The following CILP variants were observed in gnomAD, a reference collection of about 807,000 sequenced individuals.
CILP encodes cartilage intermediate layer protein 1.
Under a neutral mutation model 82.5 loss-of-function variants are expected in CILP, and 75 were observed. The observed-to-expected ratio is 0.91, with a 90% CI of 0.75 to 1.10. CILP has a LOEUF of 1.10. Ranked by LOEUF, CILP falls within the 50% of genes least tolerant of loss-of-function variation. CILP has a pLI of 0.00. For missense variants in CILP, 1,479 were observed against 1,530.8 expected, an observed-to-expected ratio of 0.97 and a Z score of 0.56; for synonymous variants, 530 against 580.3, an observed-to-expected ratio of 0.91 and a Z score of 1.25.
Position 65,206,891 on chromosome 15 carries a change from A to T in CILP, c.315T>A (p.Thr105=), listed in dbSNP as rs976336317. The change falls in exon 4 of 9, where the codon ACT becomes ACA. Residue 105 remains threonine, a synonymous_variant. Transcript: ENST00000261883. The part of the protein sequence containing the change: ...RTTDWTPAGS[T]GQVVHGSPRE... ...GGGGACTACCATGGACCACCTGGCC[A>T]GTGCTGCCCGCAGGTGTCCAGTCAG... The T allele has an allele frequency of 6.2e-7, 1 of 1,613,878 alleles. No homozygotes were observed. The highest frequency in any genetic ancestry group is 1.3e-5 in the African/African-American group (1 of 74,920).
In CILP at chr15:65,198,699, A is replaced by G; in HGVS notation, c.1587T>C (p.His529=). The G allele has an allele frequency of 1.2e-6, 2 of 1,614,244 alleles. No individual in the cohort carries two copies. Among genetic ancestry groups the G allele is most frequent in the Non-Finnish European group, 1.7e-6 (2 of 1,180,044 alleles). ...CCAGCCTCTCAGTGTCCTGGGGGAC[A>G]TGGAGGGTGAAAGTGCCCTTGTAGC... ...MTGYKGTFTL[H]VPQDTERLVL... Residue 529 remains histidine (H), a synonymous_variant, in exon 9 of 9, where the codon CAT becomes CAC. Transcript: ENST00000261883.
At position 65,197,244 on chromosome 15, in the gene CILP, G is replaced by T. The variant is rs1411267178; in HGVS notation, c.3042C>A (p.Leu1014=). 6.2e-7 allele frequency: 1 copy of T among 1,614,024 alleles called. No homozygotes were observed. The highest frequency in any genetic ancestry group is 2.2e-5 in the East Asian group (1 of 44,890). The part of the protein sequence containing the change: ...ACLEFKCSGM[L]YDQDRVDRTL... ...TGCGGTCCACACGGTCCTGATCATAGAGCATCCCACTGCACTTGAACTCCA... is the reference window on the plus strand; with the variant it reads ...TGCGGTCCACACGGTCCTGATCATATAGCATCCCACTGCACTTGAACTCCA... The change falls in exon 9 of 9, where the codon CTC becomes CTA. Residue 1014 remains leucine, a synonymous_variant. Coordinates refer to ENST00000261883, the MANE Select transcript of CILP (RefSeq NM_003613.4).
chr15:65,200,444 C>T (rs1468232982), intron 8 of CILP, among the ~76,000 whole-genome samples: 1 of 46,238 alleles, frequency 2.2e-5, no homozygotes, highest in Non-Finnish European at 4.1e-5. Flanking sequence ...TACATTCTGT[C>T]CTTCTCTGCG....
rs138803953 is a variant in CILP at position 65,198,723 on chromosome 15, G to C, written c.1563C>G (p.Gly521=). The change falls in exon 9 of 9, where the codon GGC becomes GGG. Residue 521 remains glycine (G), a synonymous_variant. Transcript: ENST00000261883. ...YMGNSRVSMT[G]YKGTFTLHVP... The stretch of plus-strand genomic sequence containing the variant: ...CATGGAGGGTGAAAGTGCCCTTGTA[G>C]CCAGTCATGCTTACACGGCTGTTCC... The C allele has an allele frequency of 2.5e-6, 4 of 1,614,094 alleles. No individual in the cohort carries two copies. The African/African-American group carries it at 5.3e-5, about 22-fold the overall frequency.
intron 7 of CILP, among the ~76,000 whole-genome samples, chr15:65,203,133 G>A (rs1435813928): frequency 2.0e-5 from 3 of 152,126 alleles, no homozygotes; most frequent in East Asian, 1.9e-4. Context: ...TACTGTGCCC[G>A]GCCAAAGGGT....
rs576632025 is a variant in CILP at position 65,197,175 on chromosome 15, A to G, written c.3111T>C (p.Ser1037=). 156 of 1,614,018 alleles carry G rather than the reference A, an allele frequency of 9.7e-5. No homozygotes were observed. Among genetic ancestry groups the G allele is most frequent in the African/African-American group, 6.3e-4 (47 of 75,018 alleles). ...GGTACTCATGCAGCATGGGGTTCAC[A>G]CTGGCTCGACGGCAGCTGCCCTGGG... is the stretch of plus-strand genomic sequence containing the variant. ...VIPQGSCRRA[S]VNPMLHEYLV... The change falls in exon 9 of 9, where the codon AGT becomes AGC. Residue 1037 remains serine (S), a synonymous_variant. Coordinates refer to ENST00000261883, the MANE Select transcript of CILP (RefSeq NM_003613.4).
In CILP at chr15:65,198,367, G is replaced by C. The variant is rs1039618256; in HGVS notation, c.1919C>G (p.Thr640Ser). ...TTCGTCATTGATGAAGTTCAGGTCA[G>C]TCTGGGCAGCTGTGGCTGTGGAAAT... ...RNISTATAAQ[T>S]DLNFINDEGD... is the part of the protein sequence containing the mutation. Residue 640 changes from threonine to serine, a missense_variant, in exon 9 of 9, where the codon ACT (threonine) becomes AGT (serine). Thr to Ser is a moderately conservative substitution (Grantham distance 58). Transcript: ENST00000261883. 2.6e-5 allele frequency: 42 copies of C among 1,614,132 alleles called. No homozygotes were observed. The African/African-American group carries it at 5.2e-4, about 20-fold the overall frequency.
chr15:65,200,282 C>T (rs1350465868), intron 8 of CILP, among the ~76,000 whole-genome samples: 1 of 152,084 alleles, frequency 6.6e-6, no homozygotes, highest in African/African-American at 2.4e-5. Context: ...TTAAAAATTC[C>T]TGTAGCAAAG....
chr15:65,211,398 T>TG (rs1356937047), intron 1 of CILP, 30 bp downstream of exon 1: 1 of 151,990 alleles, frequency 6.6e-6, no homozygotes, highest in Non-Finnish European at 1.5e-5. Flanking sequence ...GGTGCAGGGA[T>TG]GGGGTGAGGG....
intron 8 of CILP, among the ~76,000 whole-genome samples, chr15:65,200,688 T>A (rs918234379): frequency 6.6e-6 from 1 of 152,152 alleles, no homozygotes; most frequent in Admixed American, 6.5e-5. Flanking sequence ...CCCTGCCCAT[T>A]CTTTAAGACC....
chr15:65,196,582 TG>T lies in CILP; in HGVS notation c.*148del. 1.5e-6 allele frequency: 1 copy of T among 657,922 alleles called. No homozygotes were observed. The highest frequency in any genetic ancestry group is 2.4e-6 in the Non-Finnish European group (1 of 412,028). The allele number at this position is 657,922 out of a possible 1,614,324, so 40.8% of individuals were successfully genotyped here. A position where few individuals can be genotyped will look rare whatever the true frequency, so the allele number is the denominator to read the frequency against. ...GGGGGCCACGTGCCAATCAGTAGCA[TG>T]GGACAAAGTAAGTAAAGGCATGAAG... On this transcript the variant is annotated 3_prime_UTR_variant, in exon 9 of 9. Coordinates refer to ENST00000261883, the MANE Select transcript of CILP (RefSeq NM_003613.4).
chr15:65,207,793 G>C (rs2088534717), intron 2 of CILP, 29 bp from the exon 3 acceptor site: 1 of 1,590,536 alleles, frequency 6.3e-7, no homozygotes, highest in Non-Finnish European at 8.6e-7. Flanking sequence ...AGCTAAGTGA[G>C]AGGCCAGGAC....
At chr15:65,203,270 G>A in intron 7 of CILP, 92 bp downstream of exon 7, 1 of 821,238 alleles carries the variant, frequency 1.2e-6, no homozygotes, top group Non-Finnish European at 2.0e-6. Context: ...TTATTCTGTT[G>A]GTTATTGTTC....
chr15:65,208,398 C>T (rs368200600), intron 2 of CILP, among the ~76,000 whole-genome samples: 2 of 152,280 alleles, frequency 1.3e-5, no homozygotes, highest in East Asian at 3.9e-4. Context: ...ATGATAGTTC[C>T]TGCCTTAGAG....
chr15:65,203,394 G>T lies in CILP; in HGVS notation c.996C>A (p.Ala332=). The T allele has an allele frequency of 6.2e-7, 1 of 1,613,414 alleles. No individual in the cohort carries two copies. The highest frequency in any genetic ancestry group is 8.5e-7 in the Non-Finnish European group (1 of 1,179,920). Residue 332 remains alanine (A), a synonymous_variant, in exon 7 of 9, where the codon GCC becomes GCA. Transcript: ENST00000261883. The part of the protein sequence containing the change: ...AGQSVSLCCK[A]TGKPRPDKYF... ...ACTTGTCTGGCCTGGGCTTCCCTGT[G>T]GCCTTACAGCACAGAGACACGCTCT...
At chr15:65,202,083 C>A in intron 7 of CILP, 54 bp from the exon 8 acceptor site, 1 of 1,428,428 alleles carries the variant, frequency 7.0e-7, no homozygotes, top group Non-Finnish European at 9.3e-7. Context: ...GCAGGTATTC[C>A]TAGAAAAGTG....
At chr15:65,207,129 A>C in intron 3 of CILP, 78 bp from the exon 4 acceptor site, 1 of 1,499,318 alleles carries the variant, frequency 6.7e-7, no homozygotes, top group African/African-American at 1.4e-5. Flanking sequence ...ACCCACCCCC[A>C]GCTGGCCTCA....
rs8032663 is a variant in CILP, at chr15:65,208,175, T to C, written c.62-411A>G. ...ACCTTCTTGGCAAAATGGAGCTTTG[T>C]TTTCCTCATGTGTAAAATGGAGATA... On this transcript the variant is annotated intron_variant, in intron 2 of 8. Coordinates refer to ENST00000261883, the MANE Select transcript of CILP (RefSeq NM_003613.4). Among the ~76,000 whole-genome samples the C allele has an allele frequency of 4.8e-3, 730 of 152,236 alleles. 10 individuals carry two copies. The highest frequency in any genetic ancestry group is 0.017 in the African/African-American group (693 of 41,548).
Position 65,209,719 on chromosome 15 carries a change from C to A in CILP, c.37G>T (p.Val13Phe). Residue 13 changes from valine to phenylalanine, a missense_variant, in exon 2 of 9, where the codon GTC becomes TTC. Transcript: ENST00000261883. ...GTKAWVFSFL[V>F]LEVTSVLGRQ... The stretch of plus-strand genomic sequence containing the variant: ...CCCAACACAGATGTGACTTCCAGGA[C>A]CAGGAAGGAGAACACCCAGGCCTTG... The A allele has an allele frequency of 6.2e-7, 1 of 1,614,030 alleles. No individual in the cohort carries two copies. The highest frequency in any genetic ancestry group is 1.6e-4 in the Middle Eastern group (1 of 6,062).
Sources: gnomAD v4.1 joint callset for allele counts (sites outside exome capture counted in the v4.1 genomes callset) on GRCh38, gnomAD v4.1.1 for gene constraint, MANE v1.5 for transcripts, NCBI Gene and HGNC (gene_info 2026-07-23, HGNC 2026-07-21) for gene names.